SEC16A: variants seen among roughly 807,000 people sequenced by gnomAD.
SEC16A encodes SEC16 homolog A, endoplasmic reticulum export factor.
SEC16A carries 110 observed loss-of-function variants against 221.9 expected under a neutral mutation model. The observed-to-expected ratio is 0.50, with a 90% CI of 0.42 to 0.58. The LOEUF is 0.58. SEC16A is among the 20% of genes least tolerant of loss of function. SEC16A has a pLI of 0.00. For missense variants in SEC16A, 3,165 were observed against 3,097.8 expected, an observed-to-expected ratio of 1.02 and a Z score of -0.52; for synonymous variants, 1,393 against 1,257.7, an observed-to-expected ratio of 1.11 and a Z score of -2.28.
rs1841700140 is a variant in SEC16A, at chr9:136,476,800, T to C, written c.816A>G (p.Pro272=). The C allele has an allele frequency of 1.9e-6, 3 of 1,611,180 alleles. No individual in the cohort carries two copies. Among genetic ancestry groups the C allele is most frequent in the African/African-American group, 1.3e-5 (1 of 74,796 alleles). ...CTCTTCCGTCACTGGGCAAGGCTGCTGGGGGAGCCACCAGAGGGCTGTGTT... is the reference window on the plus strand; with the variant it reads ...CTCTTCCGTCACTGGGCAAGGCTGCCGGGGGAGCCACCAGAGGGCTGTGTT... ...HEQHSPLVAP[P]AALPSDGRDE... Residue 272 remains proline (P), a synonymous_variant, in exon 3 of 32, where the codon CCA becomes CCG. Transcript: ENST00000684901.
rs767092386 is a variant in SEC16A, at chr9:136,466,441, G to A, written c.3951C>T (p.Asn1317=). 4.4e-6 allele frequency: 7 copies of A among 1,607,090 alleles called. No individual in the cohort carries two copies. Among genetic ancestry groups the A allele is most frequent in the Non-Finnish European group, 5.1e-6 (6 of 1,176,852 alleles). ...CCGTGAAGCGAGGATCGTACCTCCA[G>A]TTGTTGTCACGTTTCTCGGGCCTAG... ...FGDRPEKRDN[N]WRYDPRFTGS... is the part of the protein sequence containing the mutation. The change falls in exon 7 of 32, where the codon AAC becomes AAT. Residue 1317 remains asparagine (N), a synonymous_variant. Coordinates refer to ENST00000684901, the MANE Select transcript of SEC16A (RefSeq NM_014866.2). This position sits in a 1 kb window ranked among gnomAD's most constrained non-coding sequence, Gnocchi z 5.5.
chr9:136,478,663 T>C (rs983061599), intron 2 of SEC16A, among the ~76,000 whole-genome samples, 46 bp downstream of exon 2: 1 of 150,584 alleles, frequency 6.6e-6, no homozygotes, highest in Admixed American at 6.6e-5. Context: ...TAGCAAGACC[T>C]TGTCTCTACA....
Position 136,475,753 on chromosome 9 carries a change from T to C in SEC16A, c.1863A>G (p.Val621=). 6.2e-7 allele frequency: 1 copy of C among 1,605,988 alleles called. No individual in the cohort carries two copies. The highest frequency in any genetic ancestry group is 8.5e-7 in the Non-Finnish European group (1 of 1,176,134). ...TGGCGCGATCTGCCTCAAATGGTTT[T>C]ACCCCAACTAAGTGAGATTTTACCG... The part of the protein sequence containing the change: ...FEPVKSHLVG[V]KPFEADRANV... Residue 621 remains valine (V), a synonymous_variant, in exon 3 of 32, where the codon GTA becomes GTG. Coordinates refer to ENST00000684901, the MANE Select transcript of SEC16A (RefSeq NM_014866.2). This position sits in a 1 kb window ranked among gnomAD's most constrained non-coding sequence, Gnocchi z 5.0.
At position 136,451,305 on chromosome 9, in the gene SEC16A, G is replaced by C. The variant is rs1431193477; in HGVS notation, c.6263C>G (p.Thr2088Arg). Residue 2088 changes from threonine to arginine, a missense_variant, in exon 23 of 32, where the codon ACA becomes AGA. Physicochemically the swap from Thr to Arg is moderately conservative, Grantham distance 71 (BLOSUM62 -1). This residue lies in a region of SEC16A where 1,088 missense variants were observed against 1,089.6 expected (regional missense o/e 1.00). Coordinates refer to ENST00000684901, the MANE Select transcript of SEC16A (RefSeq NM_014866.2). ...PPLSLSPAPE[T>R]KRPGQAAKKE... ...CTTGGCTGCCTGTCCGGGTCTCTTT[G>C]TTTCGGGAGCGGGTGAGAGAGACAG... 1 of 1,613,490 alleles carries C rather than the reference G, an allele frequency of 6.2e-7. No individual in the cohort carries two copies. Among genetic ancestry groups the C allele is most frequent in the South Asian group, 1.1e-5 (1 of 90,958 alleles).
intron 1 of SEC16A, among the ~76,000 whole-genome samples, chr9:136,482,427 C>T (rs778367190): frequency 1.3e-5 from 2 of 152,210 alleles, no homozygotes; most frequent in Non-Finnish European, 2.9e-5. Flanking sequence ...TGTAACACTT[C>T]CATCACAAAG....
chr9:136,443,308 G>A (rs535915773), intron 31 of SEC16A, among the ~76,000 whole-genome samples: 26 of 152,376 alleles, frequency 1.7e-4, no homozygotes, highest in African/African-American at 6.3e-4. Context: ...CCACACAAAG[G>A]GAGAAATGGC....
In SEC16A at chr9:136,459,862, C is replaced by T. The variant is rs368769267; in HGVS notation, c.5086G>A (p.Glu1696Lys). ...TGCGGCCTCCAATCTCCCCATTTCT[C>T]GTCTCCACAGCACTAACATGAGGAA... is the stretch of plus-strand genomic sequence containing the variant. ...MPAASTCCGD[E>K]KWGDWRPHLA... Residue 1696 changes from glutamate to lysine, a missense_variant, in exon 15 of 32, where the codon GAG (glutamate) becomes AAG (lysine). By Grantham distance (56) the Glu-to-Lys change is moderately conservative (BLOSUM62 1). This residue lies in a region of SEC16A where 1,088 missense variants were observed against 1,089.6 expected (regional missense o/e 1.00). Transcript: ENST00000684901. This position sits in a 1 kb window ranked among gnomAD's most constrained non-coding sequence, Gnocchi z 6.1. 38 of 1,613,046 alleles carry T rather than the reference C, an allele frequency of 2.4e-5. No homozygotes were observed. Among genetic ancestry groups the T allele is most frequent in the Non-Finnish European group, 3.0e-5 (35 of 1,179,522 alleles).
intron 28 of SEC16A, 90 bp downstream of exon 28, chr9:136,446,765 C>G: frequency 3.8e-6 from 5 of 1,325,640 alleles, no homozygotes; most frequent in Non-Finnish European, 2.1e-6. Flanking sequence ...ACATTGGATA[C>G]TGACTTGCAG....
In SEC16A at chr9:136,441,561, T is replaced by G. The variant is rs1306075161; in HGVS notation, c.*194A>C. ...AGATTCAGTCTTTCCATCCAGAATC[T>G]GAAAGGATGGTGGAATTAATTTTCA... On this transcript the variant is annotated 3_prime_UTR_variant, in exon 32 of 32. Coordinates refer to ENST00000684901, the MANE Select transcript of SEC16A (RefSeq NM_014866.2). The G allele has an allele frequency of 3.4e-6, 2 of 581,158 alleles. No individual in the cohort carries two copies. The highest frequency in any genetic ancestry group is 6.2e-6 in the Non-Finnish European group (2 of 322,272). 36.0% of individuals were successfully genotyped at this position (581,158 alleles called of 1,614,324 possible). A position where few individuals can be genotyped will look rare whatever the true frequency, so the allele number is the denominator to read the frequency against.
At chr9:136,484,715 G>T (rs967217534), upstream of SEC16A, 20 of 1,366,546 alleles carry the variant, frequency 1.5e-5, no homozygotes, top group Non-Finnish European at 1.9e-5. Context: ...GCTTCAGTCC[G>T]GCTGACGTGG....
At chr9:136,463,371 G>A in intron 11 of SEC16A, 92 bp downstream of exon 11, 1 of 1,519,218 alleles carries the variant, frequency 6.6e-7, no homozygotes, top group Non-Finnish European at 9.0e-7. Context: ...TGGCCACGCG[G>A]ATCCCGCCCT....
chr9:136,472,094 A>G lies in SEC16A; in HGVS notation c.3585T>C (p.Tyr1195=). 6.2e-7 allele frequency: 1 copy of G among 1,613,772 alleles called. No homozygotes were observed. Among genetic ancestry groups the G allele is most frequent in the South Asian group, 1.1e-5 (1 of 91,088 alleles). Residue 1195 remains tyrosine (Y), a synonymous_variant, in exon 4 of 32, where the codon TAT becomes TAC. Transcript: ENST00000684901. The stretch of plus-strand genomic sequence containing the variant: ...CATCATAGGGCCTGTATCGAGGCTC[A>G]TAGAGGCTGTAGACATCCTGTGGGA... ...SLYYQDVYSL[Y]EPRYRPYDGA... is the part of the protein sequence containing the mutation.
Position 136,459,296 on chromosome 9 carries a change from C to T in SEC16A, c.5304-57G>A, listed in dbSNP as rs142791243. On this transcript the variant is annotated intron_variant, in intron 16 of 31. Coordinates refer to ENST00000684901, the MANE Select transcript of SEC16A (RefSeq NM_014866.2). This position sits in a 1 kb window ranked among gnomAD's most constrained non-coding sequence, Gnocchi z 6.1. ...AAAAATGGCCAATTATTGGCATAGT[C>T]AACCTTGGAGCAAATCATCCAGAAG... 8.7e-4 allele frequency: 1,346 copies of T among 1,539,974 alleles called. 15 individuals are homozygous for T. In the East Asian group the frequency reaches 0.024, roughly 27 times the overall value.
chr9:136,481,733 G>T (rs571630447), intron 1 of SEC16A, among the ~76,000 whole-genome samples: 1 of 152,116 alleles, frequency 6.6e-6, no homozygotes, highest in Admixed American at 6.5e-5. Flanking sequence ...TCTCCCTCAC[G>T]GTGGCTGCTA....
chr9:136,471,881 G>T, intron 4 of SEC16A, 94 bp downstream of exon 4: 1 of 1,418,588 alleles, frequency 7.0e-7, no homozygotes, highest in Non-Finnish European at 9.7e-7. Flanking sequence ...CAGAAATACA[G>T]AACTTTTTGA....
rs1836147424 is a variant in SEC16A at position 136,441,175 on chromosome 9, G to A, written c.*580C>T. On this transcript the variant is annotated 3_prime_UTR_variant, in exon 32 of 32. Transcript: ENST00000684901. Reference sequence around the variant, plus strand: ...CCTCTCTCAAAAACCGTGAACTAATGCCGAAGGAACCCCACGGCTCCTCGG... The same window carrying A: ...CCTCTCTCAAAAACCGTGAACTAATACCGAAGGAACCCCACGGCTCCTCGG... 6.5e-6 allele frequency: 1 copy of A among 153,568 alleles called. No homozygotes were observed. Among genetic ancestry groups the A allele is most frequent in the Admixed American group, 6.4e-5 (1 of 15,578 alleles). The allele number at this position is 153,568 out of a possible 1,614,324, so 9.5% of individuals were successfully genotyped here. A position where few individuals can be genotyped will look rare whatever the true frequency, so the allele number is the denominator to read the frequency against.
In SEC16A at chr9:136,464,668, C is replaced by T. The variant is rs577568765; in HGVS notation, c.4304-106G>A. On this transcript the variant is annotated intron_variant, in intron 8 of 31. Coordinates refer to ENST00000684901, the MANE Select transcript of SEC16A (RefSeq NM_014866.2). ...AGCTTAAATCACAGGTTAGATTTAT[C>T]ACGACAGACTTCCAACTCAAAAGTC... 2.2e-5 allele frequency: 22 copies of T among 1,009,574 alleles called. No individual in the cohort carries two copies. The South Asian group carries it at 3.6e-4, about 16-fold the overall frequency. The allele number at this position is 1,009,574 out of a possible 1,614,324, so 62.5% of individuals were successfully genotyped here. A position where few individuals can be genotyped will look rare whatever the true frequency, so the allele number is the denominator to read the frequency against.
chr9:136,480,666 C>T (rs915027430), intron 1 of SEC16A, among the ~76,000 whole-genome samples: 18 of 152,174 alleles, frequency 1.2e-4, no homozygotes, highest in Non-Finnish European at 2.2e-4. Flanking sequence ...CCGAGGCGGG[C>T]AGATCAAGAG....
rs867171107 is a variant in SEC16A, at chr9:136,477,290, G to A, written c.326C>T (p.Pro109Leu). 4 of 1,613,932 alleles carry A rather than the reference G, an allele frequency of 2.5e-6. No individual in the cohort carries two copies. The South Asian group carries it at 3.3e-5, about 13-fold the overall frequency. Residue 109 changes from proline to leucine, a missense_variant, in exon 3 of 32, where the codon CCC (proline) becomes CTC (leucine). This residue lies in a region of SEC16A where 2,030 missense variants were observed against 1,923.1 expected (regional missense o/e 1.06). Transcript: ENST00000684901. The part of the protein sequence containing the change: ...ARDSSQGPCE[P>L]LPGPLTQPRA... ...GGGCTGTGTCAGAGGTCCAGGCAGG[G>A]GCTCACAGGGTCCCTGAGAGCTATC...
Sources: gnomAD v4.1 joint callset for allele counts (sites outside exome capture counted in the v4.1 genomes callset) on GRCh38, gnomAD v4.1.1 for gene constraint, gnomAD v4.1.1 regional missense constraint, Gnocchi (gnomAD v3.1) non-coding constraint, MANE v1.5 for transcripts, NCBI Gene and HGNC (gene_info 2026-07-23, HGNC 2026-07-21) for gene names.